The following TUBGCP5 variants were observed in gnomAD, a reference collection of about 807,000 sequenced individuals.
The protein encoded by TUBGCP5 is tubulin gamma complex component 5, also known as gamma-tubulin complex component 5.
Under a neutral mutation model 134.7 loss-of-function variants are expected in TUBGCP5, and 98 were observed. That is an observed-to-expected ratio of 0.73 (90% CI 0.62 to 0.86). The LOEUF (loss-of-function observed/expected upper bound fraction) is 0.86. Ranked by LOEUF, TUBGCP5 falls within the 40% of genes least tolerant of loss-of-function variation. TUBGCP5 has a pLI of 0.00. For missense variants in TUBGCP5, 1,150 were observed against 1,244.8 expected (o/e 0.92, Z 1.15); for synonymous variants, 456 against 431.4 (o/e 1.06, Z -0.71).
chr15:23,030,937 C>A lies in TUBGCP5; in HGVS notation c.570G>T (p.Pro190=), dbSNP rs199643645. 26 of 1,613,620 alleles carry A rather than the reference C, an allele frequency of 1.6e-5. No individual in the cohort carries two copies. The change falls in exon 6 of 23, where the codon CCG becomes CCT. Residue 190 remains proline (P), a synonymous_variant. Coordinates refer to ENST00000615383, the MANE Select transcript of TUBGCP5 (RefSeq NM_052903.6). ...TTCTGTTTTGATCTTGTTCTTCTAA[C>A]GGTGTCCTGTCTACCTGAATTCCAG... ...EDSGIQVDRT[P]LEEQDQNRKL... is the part of the protein sequence containing the mutation.
At chr15:22,987,276 GT>G (rs1567074200) in intron 23 of TUBGCP5, among the ~76,000 whole-genome samples, 2 of 151,246 alleles carry the variant, frequency 1.3e-5, no homozygotes, top group South Asian at 4.2e-4. Flanking sequence ...GGAGGTTGTG[GT>G]GAGCCAAGAT....
intron 9 of TUBGCP5, chr15:23,024,433 C>G: frequency 2.1e-6 from 1 of 480,098 alleles, no homozygotes; most frequent in Non-Finnish European, 3.5e-6. Flanking sequence ...AGTAAATGTA[C>G]TTAAAGCAAA....
At position 23,017,825 on chromosome 15, in the gene TUBGCP5, C is replaced by A. The variant is rs767541764; in HGVS notation, c.1704G>T (p.Leu568=). ...TCTCCGCACACTGCAGGTTCTTCAG[C>A]AGCTGCATCGACTTGCCAGCCATTA... ...QIIMAGKSMQ[L]LKNLQCAEST... is the part of the protein sequence containing the mutation. The change falls in exon 13 of 23, where the codon CTG becomes CTT. Residue 568 remains leucine, a synonymous_variant. Transcript: ENST00000615383. 1 of 1,613,986 alleles carries A rather than the reference C, an allele frequency of 6.2e-7. No homozygotes were observed. The highest frequency in any genetic ancestry group is 8.5e-7 in the Non-Finnish European group (1 of 1,179,880).
At chr15:23,035,178 A>C (rs2066513842) in intron 3 of TUBGCP5, among the ~76,000 whole-genome samples, 1 of 151,742 alleles carries the variant, frequency 6.6e-6, no homozygotes, top group Admixed American at 6.6e-5. Flanking sequence ...AAATACAAAA[A>C]ATTAGCTGGG....
intron 13 of TUBGCP5, among the ~76,000 whole-genome samples, chr15:23,016,115 C>T (rs1338489118): frequency 1.3e-5 from 2 of 152,170 alleles, no homozygotes; most frequent in Non-Finnish European, 2.9e-5. Context: ...CAAATAAACA[C>T]TCAACAAAAT....
At chr15:23,018,144 A>T in intron 12 of TUBGCP5, 103 bp from the exon 13 acceptor site, 1 of 1,239,808 alleles carries the variant, frequency 8.1e-7, no homozygotes, top group Non-Finnish European at 1.1e-6. Context: ...AGTATTAATT[A>T]TTAGTAAACT....
downstream of TUBGCP5, among the ~76,000 whole-genome samples, chr15:22,995,804 C>T (rs542408146): frequency 8.2e-4 from 125 of 152,114 alleles, 1 homozygote; most frequent in Middle Eastern, 0.01. Flanking sequence ...CATGTCATGG[C>T]CAGAGGCAAC....
chr15:23,031,968 A>G lies in TUBGCP5; in HGVS notation c.468T>C (p.Gly156=). ...YLMEDEEMDI[G]PYMDTPNWSE... is the part of the protein sequence containing the mutation. ...CACTTACTGGTGTGTCCATGTACGG[A>G]CCAATGTCCATTTCTTCATCTTCCA... The change falls in exon 5 of 23, where the codon GGT becomes GGC. Residue 156 remains glycine, a synonymous_variant. Coordinates refer to ENST00000615383, the MANE Select transcript of TUBGCP5 (RefSeq NM_052903.6). 6.2e-7 allele frequency: 1 copy of G among 1,612,658 alleles called. No individual in the cohort carries two copies. Among genetic ancestry groups the G allele is most frequent in the Non-Finnish European group, 8.5e-7 (1 of 1,179,184 alleles).
At chr15:23,025,652 G>A (rs1363215086) in intron 8 of TUBGCP5, among the ~76,000 whole-genome samples, 1 of 152,116 alleles carries the variant, frequency 6.6e-6, no homozygotes, top group East Asian at 1.9e-4. Context: ...CTAACATGGT[G>A]AAACCCCGTC....
Position 23,032,193 on chromosome 15 carries a change from T to G in TUBGCP5, c.407-164A>C, listed in dbSNP as rs1454953543. ...TTGATATCCTAAAACATTTTACATT[T>G]TAATTAACTCATTCTCAAAGGTGAG... On this transcript the variant is annotated intron_variant, in intron 4 of 22. Coordinates refer to ENST00000615383, the MANE Select transcript of TUBGCP5 (RefSeq NM_052903.6). Among the ~76,000 whole-genome samples, 4 of 152,198 alleles carry G rather than the reference T, an allele frequency of 2.6e-5. No homozygotes were observed. The East Asian group carries it at 7.7e-4, about 29-fold the overall frequency.
At chr15:22,985,423 G>C (rs2063649829) in intron 23 of TUBGCP5, among the ~76,000 whole-genome samples, 2 of 151,982 alleles carry the variant, frequency 1.3e-5, no homozygotes, top group African/African-American at 2.4e-5. Context: ...TCTCCATGTT[G>C]ATCAGGCTGG....
At chr15:22,993,249 G>A (rs531594023) in intron 23 of TUBGCP5, among the ~76,000 whole-genome samples, 12 of 151,070 alleles carry the variant, frequency 7.9e-5, no homozygotes, top group African/African-American at 2.4e-4. Context: ...ACAGGCATGC[G>A]CCACCATGCC....
intron 13 of TUBGCP5, among the ~76,000 whole-genome samples, chr15:23,017,551 T>C (rs1428609382): frequency 6.6e-6 from 1 of 152,168 alleles, no homozygotes; most frequent in African/African-American, 2.4e-5. Context: ...GAACTTATCG[T>C]CACTGCCTTT....
At chr15:23,029,765 C>T (rs1329147267) in intron 6 of TUBGCP5, among the ~76,000 whole-genome samples, 1 of 151,852 alleles carries the variant, frequency 6.6e-6, no homozygotes, top group Non-Finnish European at 1.5e-5. Flanking sequence ...CCTGTAACCC[C>T]AGCTACTCGG....
At chr15:22,993,524 A>AGTTT (rs2063924358) in intron 23 of TUBGCP5, among the ~76,000 whole-genome samples, 1 of 83,114 alleles carries the variant, frequency 1.2e-5, no homozygotes, top group African/African-American at 6.1e-5. Flanking sequence ...CAGCCCCCGA[A>AGTTT]GTTTTTTTTT....
At chr15:23,020,261 G>A (rs565490954) in intron 11 of TUBGCP5, among the ~76,000 whole-genome samples, 6 of 152,190 alleles carry the variant, frequency 3.9e-5, no homozygotes, top group African/African-American at 1.2e-4. Context: ...ACAAAAATTA[G>A]ATGGGCATGG....
chr15:23,024,699 T>A, intron 9 of TUBGCP5, 38 bp downstream of exon 9: 2 of 1,102,020 alleles, frequency 1.8e-6, no homozygotes, highest in Non-Finnish European at 2.6e-6. Context: ...TTTACATAAA[T>A]CCTATTTCTT....
intron 1 of TUBGCP5, 57 bp from the exon 2 acceptor site, chr15:23,037,209 C>T: frequency 6.6e-7 from 1 of 1,515,564 alleles, no homozygotes; most frequent in Non-Finnish European, 9.1e-7. Flanking sequence ...TAAGTGAACT[C>T]ATCTCATGGC....
At chr15:23,007,441 G>C (rs537840708) in intron 16 of TUBGCP5, among the ~76,000 whole-genome samples, 36 of 152,294 alleles carry the variant, frequency 2.4e-4, no homozygotes, top group African/African-American at 8.7e-4. Flanking sequence ...CATTCACTCA[G>C]TGCTTAGTAG....
Sources: gnomAD v4.1 joint callset for allele counts (sites outside exome capture counted in the v4.1 genomes callset) on GRCh38, gnomAD v4.1.1 for gene constraint, MANE v1.5 for transcripts, NCBI Gene and HGNC (gene_info 2026-07-23, HGNC 2026-07-21) for gene names.